Variants in VPS50 observed in about 807,000 individuals in gnomAD.
The protein encoded by VPS50 is VPS50 subunit of EARP/GARPII complex, also known as syndetin.
In VPS50, 70 loss-of-function variants were observed where a neutral mutation model predicts 139.7. The ratio of observed to expected loss-of-function variants is 0.50; its 90% CI spans 0.41 to 0.61. The LOEUF (loss-of-function observed/expected upper bound fraction) is 0.61, where lower values mean the gene tolerates loss of function less well. Among genes scored for constraint, VPS50 ranks in the 20% least tolerant of loss-of-function variants. The pLI is 0.00. For missense variants in VPS50, 921 were observed against 1,133.7 expected (o/e 0.81, Z 2.69); for synonymous variants, 365 against 376.7 (o/e 0.97, Z 0.36).
chr7:93,257,378 C>T lies in VPS50; in HGVS notation c.352-16C>T, dbSNP rs1795518636. 2.0e-6 allele frequency: 3 copies of T among 1,495,262 alleles called. No homozygotes were observed. The highest frequency in any genetic ancestry group is 4.6e-5 in the East Asian group (2 of 43,942). The allele number at this position is 1,495,262 out of a possible 1,614,324, so 92.6% of individuals were successfully genotyped here. ...AAAATACCTCCAACAATAACCTGTA[C>T]CTAATCTTCCCATAGGAACTTGAAA... On this transcript the variant is annotated splice_polypyrimidine_tract_variant and intron_variant, in intron 5 of 27. Transcript: ENST00000305866.
Position 93,352,254 on chromosome 7 carries a change from A to G in VPS50, c.2464-1386A>G, listed in dbSNP as rs141248216. Among the ~76,000 whole-genome samples, 459 of 152,340 alleles carry G rather than the reference A, an allele frequency of 3.0e-3. 1 individual carries two copies. Among genetic ancestry groups the G allele is most frequent in the African/African-American group, 0.011 (440 of 41,592 alleles). ...AGCAGTTTAAGGAATGCATAAATAA[A>G]TACAGTAACAAATACTACTACTCTC... On this transcript the variant is annotated intron_variant, in intron 25 of 27. Transcript: ENST00000305866.
At chr7:93,292,688 A>G (rs1006491902) in intron 13 of VPS50, among the ~76,000 whole-genome samples, 8 of 152,114 alleles carry the variant, frequency 5.3e-5, no homozygotes, top group African/African-American at 1.2e-4. Flanking sequence ...AACACACCCA[A>G]ATCTCACTGT....
chr7:93,326,759 A>G (rs1314137704), intron 21 of VPS50, among the ~76,000 whole-genome samples: 2 of 152,062 alleles, frequency 1.3e-5, no homozygotes, highest in African/African-American at 4.8e-5. Context: ...ATTGAGTCCT[A>G]TGAATATAAT....
At chr7:93,287,433 T>C (rs933656130) in intron 12 of VPS50, among the ~76,000 whole-genome samples, 1 of 151,992 alleles carries the variant, frequency 6.6e-6, no homozygotes, top group African/African-American at 2.4e-5. Context: ...TTTTTTTTTT[T>C]TTCAAATAAA....
At chr7:93,343,673 A>G (rs1798296519) in intron 23 of VPS50, among the ~76,000 whole-genome samples, 1 of 152,240 alleles carries the variant, frequency 6.6e-6, no homozygotes, top group Non-Finnish European at 1.5e-5. Flanking sequence ...AGTAGGGGCC[A>G]ATATTCAACA....
chr7:93,306,063 T>C (rs1797107693), intron 18 of VPS50, 59 bp downstream of exon 18: 1 of 1,260,056 alleles, frequency 7.9e-7, no homozygotes, highest in South Asian at 1.3e-5. Flanking sequence ...TTCTACTCAA[T>C]GAACAAGGCA....
At chr7:93,302,937 G>A (rs769268406) in intron 16 of VPS50, among the ~76,000 whole-genome samples, 4 of 152,064 alleles carry the variant, frequency 2.6e-5, no homozygotes, top group Non-Finnish European at 5.9e-5. Context: ...TGTCTTAGCT[G>A]CTAATTTAAT....
chr7:93,254,098 G>A (rs890901673), intron 4 of VPS50, among the ~76,000 whole-genome samples, 167 bp downstream of exon 4: 2 of 152,148 alleles, frequency 1.3e-5, no homozygotes, highest in Non-Finnish European at 1.5e-5. Flanking sequence ...AAAATTTAAT[G>A]CGTATGGTTT....
chr7:93,312,643 T>TTCTTCTATTTCTTCTA (rs1336638153), intron 20 of VPS50, among the ~76,000 whole-genome samples: 1 of 151,752 alleles, frequency 6.6e-6, no homozygotes, highest in East Asian at 1.9e-4. Context: ...ATTTCTTCTA[T>TTCTTCTATTTCTTCTA]TCTTCTATTT....
chr7:93,264,065 T>G (rs1795767860), intron 9 of VPS50, among the ~76,000 whole-genome samples: 1 of 152,220 alleles, frequency 6.6e-6, no homozygotes, highest in African/African-American at 2.4e-5. Flanking sequence ...CCGTGGATTT[T>G]GATGTCTATG....
intron 12 of VPS50, among the ~76,000 whole-genome samples, chr7:93,288,320 GT>G: frequency 6.6e-6 from 1 of 152,160 alleles, no homozygotes; most frequent in South Asian, 2.1e-4. Flanking sequence ...ACCCAAAATT[GT>G]TTTTCACAGC....
At position 93,239,944 on chromosome 7, in the gene VPS50, TAC is replaced by T; in HGVS notation, c.102+13_102+14del. The T allele has an allele frequency of 1.3e-6, 2 of 1,544,876 alleles. No individual in the cohort carries two copies. Among genetic ancestry groups the T allele is most frequent in the Non-Finnish European group, 1.8e-6 (2 of 1,118,094 alleles). ...CCGGGTCCCTGGAAAGGTATTGAGC[TAC>T]ACGTGTGAGCGTGACTTTTTACTTC... On this transcript the variant is annotated intron_variant, in intron 2 of 27. Transcript: ENST00000305866.
intron 16 of VPS50, among the ~76,000 whole-genome samples, chr7:93,298,454 G>A (rs755787054): frequency 3.9e-5 from 6 of 152,098 alleles, no homozygotes; most frequent in African/African-American, 1.2e-4. Flanking sequence ...CAAAGGAGCC[G>A]GAAGCCTCAC....
intron 14 of VPS50, 93 bp from the exon 15 acceptor site, chr7:93,296,649 C>T (rs1796819966): frequency 3.3e-6 from 5 of 1,509,294 alleles, no homozygotes; most frequent in Non-Finnish European, 4.4e-6. Context: ...ATATTCCTGT[C>T]TCATTTTAAT....
Position 93,360,601 on chromosome 7 carries a change from A to G in VPS50, c.*2165A>G, listed in dbSNP as rs752070081. 5.9e-5 allele frequency: 9 copies of G among 152,062 alleles called. No individual in the cohort carries two copies. Among genetic ancestry groups the G allele is most frequent in the Admixed American group, 2.0e-4 (3 of 15,242 alleles). 9.4% of individuals were successfully genotyped at this position (152,062 alleles called of 1,614,324 possible). ...TGAAACTAATTTTCAGATAAATACA[A>G]TTGAAAAGCTGAGAATGTAAATGGA... On this transcript the variant is annotated 3_prime_UTR_variant, in exon 28 of 28. Coordinates refer to ENST00000305866, the MANE Select transcript of VPS50 (RefSeq NM_017667.4).
At chr7:93,333,787 AAC>A in intron 21 of VPS50, 1 of 286,746 alleles carries the variant, frequency 3.5e-6, no homozygotes, top group Non-Finnish European at 6.6e-6. Flanking sequence ...CCTTACATAC[AAC>A]AGAGTGTAAT....
rs141032762 is a variant in VPS50 at position 93,295,994 on chromosome 7, G to A, written c.1168-748G>A. ...TCCTGCCTTGGCCTCCCAAAGTGCT[G>A]GGATTACAGGCATCAGCCACCATGC... is the stretch of plus-strand genomic sequence containing the variant. On this transcript the variant is annotated intron_variant, in intron 14 of 27. Transcript: ENST00000305866. Among the ~76,000 whole-genome samples, 949 of 152,160 alleles carry A rather than the reference G, an allele frequency of 6.2e-3. 11 individuals are homozygous for A. Among genetic ancestry groups the A allele is most frequent in the African/African-American group, 0.022 (921 of 41,508 alleles).
chr7:93,294,362 G>A (rs1796739042), intron 13 of VPS50, among the ~76,000 whole-genome samples, 183 bp from the exon 14 acceptor site: 1 of 152,030 alleles, frequency 6.6e-6, no homozygotes, highest in Non-Finnish European at 1.5e-5. Flanking sequence ...ACGTTTATTT[G>A]TCTCACCAAA....
chr7:93,304,981 C>A (rs1263378965), intron 17 of VPS50, among the ~76,000 whole-genome samples: 1 of 151,612 alleles, frequency 6.6e-6, no homozygotes, highest in Non-Finnish European at 1.5e-5. Context: ...AGCCAATGTA[C>A]CTTTCAAGAA....
Sources: allele counts gnomAD v4.1 joint callset (sites outside exome capture counted in the v4.1 genomes callset), GRCh38; gene constraint gnomAD v4.1.1; transcripts MANE v1.5; gene names NCBI Gene and HGNC (gene_info 2026-07-23, HGNC 2026-07-21).